The following ZMAT4 variants were observed in gnomAD, a reference collection of about 807,000 sequenced individuals.
ZMAT4 encodes zinc finger matrin-type protein 4.
In ZMAT4, 17 loss-of-function variants were observed where a neutral mutation model predicts 28.7. The observed-to-expected ratio is 0.59, with a 90% CI of 0.41 to 0.89. ZMAT4 has a LOEUF of 0.89. Among genes scored for constraint, ZMAT4 ranks in the 40% least tolerant of loss-of-function variants. The pLI is 0.00. For missense variants in ZMAT4, 240 were observed against 283.8 expected (o/e 0.85, Z 1.11); for synonymous variants, 117 against 109.2 (o/e 1.07, Z -0.44).
intron 6 of ZMAT4, among the ~76,000 whole-genome samples, chr8:40,560,413 T>C (rs566831164): frequency 6.6e-6 from 1 of 152,136 alleles, no homozygotes; most frequent in South Asian, 2.1e-4. Flanking sequence ...CAAATAATCA[T>C]ATCTTTCCCC....
intron 3 of ZMAT4, among the ~76,000 whole-genome samples, chr8:40,731,488 C>A (rs1462305929): frequency 6.6e-6 from 1 of 152,070 alleles, no homozygotes. Context: ...GAAGAAGAAT[C>A]ATTTCCAGAG....
intron 1 of ZMAT4, among the ~76,000 whole-genome samples, chr8:40,876,796 T>A (rs991525852): frequency 6.6e-6 from 1 of 152,256 alleles, no homozygotes; most frequent in Non-Finnish European, 1.5e-5. Flanking sequence ...TTTATTCATG[T>A]ATTTTCGACT....
intron 5 of ZMAT4, among the ~76,000 whole-genome samples, chr8:40,640,298 C>T (rs1554530918): frequency 6.6e-6 from 1 of 152,136 alleles, no homozygotes; most frequent in Non-Finnish European, 1.5e-5. Context: ...TCTTAATGTT[C>T]TGGATGACTT....
chr8:40,771,910 T>A (rs1157198001), intron 2 of ZMAT4, among the ~76,000 whole-genome samples: 1 of 152,166 alleles, frequency 6.6e-6, no homozygotes, highest in Non-Finnish European at 1.5e-5. Flanking sequence ...AGTACCAAAA[T>A]TTCCACTGCT....
intron 3 of ZMAT4, among the ~76,000 whole-genome samples, chr8:40,704,804 C>T (rs989169176): frequency 4.6e-5 from 7 of 152,174 alleles, no homozygotes; most frequent in African/African-American, 1.7e-4. Flanking sequence ...AATATGACTG[C>T]TTTGTCTTAG....
At chr8:40,699,504 CTT>C (rs1810036991) in intron 3 of ZMAT4, among the ~76,000 whole-genome samples, 1 of 151,992 alleles carries the variant, frequency 6.6e-6, no homozygotes, top group Non-Finnish European at 1.5e-5. Flanking sequence ...TAACTTCACT[CTT>C]ATGTTTATTG....
chr8:40,625,454 G>A (rs1432271891), intron 5 of ZMAT4, among the ~76,000 whole-genome samples: 1 of 152,122 alleles, frequency 6.6e-6, no homozygotes, highest in Non-Finnish European at 1.5e-5. Context: ...GGAGAAGGTT[G>A]AAGGGGCTTA....
Position 40,631,012 on chromosome 8 carries a change from T to C in ZMAT4, c.577+43692A>G, listed in dbSNP as rs902368374. ...TTCATGGCAAGTGTTGAAAATCTGGTGTGTCCTTTACACTTACGGTTTCTT... is the reference window on the plus strand; with the variant it reads ...TTCATGGCAAGTGTTGAAAATCTGGCGTGTCCTTTACACTTACGGTTTCTT... On this transcript the variant is annotated intron_variant, in intron 5 of 6. Transcript: ENST00000297737. Among the ~76,000 whole-genome samples, 36 of 152,090 alleles carry C rather than the reference T, an allele frequency of 2.4e-4. 1 individual carries two copies. Among genetic ancestry groups the C allele is most frequent in the Admixed American group, 2.4e-3 (36 of 15,274 alleles).
At chr8:40,546,554 C>T (rs1803209863) in intron 6 of ZMAT4, among the ~76,000 whole-genome samples, 1 of 152,162 alleles carries the variant, frequency 6.6e-6, no homozygotes, top group Non-Finnish European at 1.5e-5. Context: ...CAGGCAAGTC[C>T]TGGTGGGAAG....
chr8:40,772,869 G>A (rs2150565715), intron 2 of ZMAT4, among the ~76,000 whole-genome samples: 1 of 152,304 alleles, frequency 6.6e-6, no homozygotes, highest in East Asian at 1.9e-4. Flanking sequence ...GAGCCAATAG[G>A]GAAGGGACAG....
In ZMAT4 at chr8:40,545,429, C is replaced by T. The variant is rs1250501445; in HGVS notation, c.675-13191G>A. Among the ~76,000 whole-genome samples the T allele has an allele frequency of 2.0e-5, 3 of 152,086 alleles. No homozygotes were observed. The South Asian group carries it at 6.2e-4, about 32-fold the overall frequency. On this transcript the variant is annotated intron_variant, in intron 6 of 6. Transcript: ENST00000297737. ...GTGTTATGGTAGAATTATGCTCCCCCCAAAAATTATATGTTGAAGTCCTAA... is the reference window on the plus strand; with the variant it reads ...GTGTTATGGTAGAATTATGCTCCCCTCAAAAATTATATGTTGAAGTCCTAA...
At chr8:40,680,316 G>C (rs1359574696) in intron 4 of ZMAT4, among the ~76,000 whole-genome samples, 1 of 152,068 alleles carries the variant, frequency 6.6e-6, no homozygotes, top group Non-Finnish European at 1.5e-5. Context: ...GGGACTGAGA[G>C]GGTTTCCTAG....
chr8:40,686,368 G>C (rs139977103), intron 4 of ZMAT4, among the ~76,000 whole-genome samples: 505 of 152,144 alleles, frequency 3.3e-3, no homozygotes, highest in African/African-American at 0.011. Flanking sequence ...GGGAGGCTGA[G>C]GTAGGAGGAA....
chr8:40,621,264 A>G (rs181606996), intron 5 of ZMAT4, among the ~76,000 whole-genome samples: 1 of 152,322 alleles, frequency 6.6e-6, no homozygotes, highest in Non-Finnish European at 1.5e-5. Flanking sequence ...AGGAAAACTC[A>G]CCAGGTGGGC....
chr8:40,620,324 G>A (rs1806150096), intron 5 of ZMAT4, among the ~76,000 whole-genome samples: 1 of 152,206 alleles, frequency 6.6e-6, no homozygotes, highest in Non-Finnish European at 1.5e-5. Flanking sequence ...GTTGATGTGG[G>A]AAATGTCAGA....
chr8:40,689,627 T>C lies in ZMAT4; in HGVS notation c.349+7618A>G, dbSNP rs759465359. ...CTTTATGAGTGTCTTCTCAATTTCATAGACTAGACACTTTTAGGGTTCTTA... is the reference window on the plus strand; with the variant it reads ...CTTTATGAGTGTCTTCTCAATTTCACAGACTAGACACTTTTAGGGTTCTTA... On this transcript the variant is annotated intron_variant, in intron 4 of 6. Transcript: ENST00000297737. Among the ~76,000 whole-genome samples the C allele has an allele frequency of 1.1e-3, 164 of 152,086 alleles. 1 individual carries two copies. The highest frequency in any genetic ancestry group is 3.8e-3 in the African/African-American group (159 of 41,438).
chr8:40,609,585 G>A (rs142838304), intron 5 of ZMAT4, among the ~76,000 whole-genome samples: 2 of 152,220 alleles, frequency 1.3e-5, no homozygotes, highest in Admixed American at 1.3e-4. Context: ...TCTAATATTG[G>A]CCAAGCTGTC....
intron 5 of ZMAT4, among the ~76,000 whole-genome samples, chr8:40,618,458 G>A (rs577377464): frequency 6.6e-6 from 1 of 152,236 alleles, no homozygotes; most frequent in East Asian, 1.9e-4. Flanking sequence ...TGATGCTGCA[G>A]ATTTAAAAAA....
intron 6 of ZMAT4, among the ~76,000 whole-genome samples, chr8:40,578,279 TAG>T (rs1804334598): frequency 6.6e-6 from 1 of 152,092 alleles, no homozygotes; most frequent in African/African-American, 2.4e-5. Context: ...TTTCAGTAAA[TAG>T]TATTGGATTA....
Sources: allele counts gnomAD v4.1 joint callset (sites outside exome capture counted in the v4.1 genomes callset), GRCh38; gene constraint gnomAD v4.1.1; transcripts MANE v1.5; gene names NCBI Gene and HGNC (gene_info 2026-07-23, HGNC 2026-07-21).